The following IGSF11 variants were observed in gnomAD, a reference collection of about 807,000 sequenced individuals.
The protein encoded by IGSF11 is CXADR like 1.
A neutral mutation model predicts 41.0 loss-of-function variants in IGSF11; 22 were observed. The observed-to-expected ratio is 0.54, with a 90% confidence interval of 0.38 to 0.77. IGSF11 has a LOEUF of 0.77. IGSF11 is among the 30% of genes least tolerant of loss of function. IGSF11 has a pLI of 0.00. For missense variants in IGSF11, 444 were observed against 530.8 expected, an observed-to-expected ratio of 0.84 and a Z score of 1.61; for synonymous variants, 219 against 201.3, an observed-to-expected ratio of 1.09 and a Z score of -0.74.
chr3:118,961,485 AAAATGTT>A (rs1945329492), intron 1 of IGSF11, among the ~76,000 whole-genome samples: 1 of 152,262 alleles, frequency 6.6e-6, no homozygotes, highest in African/African-American at 2.4e-5. Flanking sequence ...AAATTTGTTT[AAAATGTT>A]CACATTAACA....
At position 119,034,825 on chromosome 3, in the gene IGSF11, C is replaced by T; in HGVS notation, c.-243G>A. Reference sequence around the variant, plus strand: ...GGCGTTCCGGGCTCGCCAGCCGTGCCACCCAGCCCTGCCCCAGGACTAGCC... The same window carrying T: ...GGCGTTCCGGGCTCGCCAGCCGTGCTACCCAGCCCTGCCCCAGGACTAGCC... On this transcript the variant is annotated 5_prime_UTR_variant, in exon 1 of 7. Coordinates refer to ENST00000393775, the MANE Select transcript of IGSF11 (RefSeq NM_001015887.3). 8.0e-7 allele frequency: 1 copy of T among 1,252,914 alleles called. No individual in the cohort carries two copies. The highest frequency in any genetic ancestry group is 1.0e-6 in the Non-Finnish European group (1 of 998,282). 77.6% of individuals were successfully genotyped at this position (1,252,914 alleles called of 1,614,324 possible). A position where few individuals can be genotyped will look rare whatever the true frequency, so the allele number is the denominator to read the frequency against.
chr3:119,016,322 A>G (rs1019236025), intron 1 of IGSF11, among the ~76,000 whole-genome samples: 1 of 152,212 alleles, frequency 6.6e-6, no homozygotes, highest in Non-Finnish European at 1.5e-5. Context: ...ACTGCCCAGA[A>G]ATATGTCGAT....
chr3:119,086,924 T>C (rs1476031531), intron 1 of IGSF11, among the ~76,000 whole-genome samples: 3 of 152,058 alleles, frequency 2.0e-5, no homozygotes, highest in Non-Finnish European at 4.4e-5. Flanking sequence ...TGAACATAAA[T>C]GGGCCAAAAG....
chr3:119,116,006 T>C (rs531571482), intron 1 of IGSF11, among the ~76,000 whole-genome samples: 4 of 152,340 alleles, frequency 2.6e-5, no homozygotes, highest in South Asian at 2.1e-4. Flanking sequence ...GAATTTACTC[T>C]ACCTCTAAAC....
At chr3:119,065,436 ATTT>A (rs935797850) in intron 1 of IGSF11, among the ~76,000 whole-genome samples, 18 of 151,790 alleles carry the variant, frequency 1.2e-4, no homozygotes, top group African/African-American at 3.6e-4. Context: ...GTGGTCTGTA[ATTT>A]TTTTTCCTTG....
chr3:119,048,159 G>T (rs1941450026), intron 1 of IGSF11, among the ~76,000 whole-genome samples: 1 of 152,258 alleles, frequency 6.6e-6, no homozygotes, highest in East Asian at 1.9e-4. Flanking sequence ...GAGCAGAACT[G>T]AAGGAAATAG....
intron 1 of IGSF11, among the ~76,000 whole-genome samples, chr3:119,143,355 C>G (rs2077674882): frequency 6.6e-6 from 1 of 152,022 alleles, no homozygotes; most frequent in African/African-American, 2.4e-5. Context: ...TATTATATAA[C>G]AGCAGGGTTT....
chr3:119,016,275 G>A lies in IGSF11; in HGVS notation c.52+18256C>T, dbSNP rs1299178481. On this transcript the variant is annotated intron_variant, in intron 1 of 6. Transcript: ENST00000393775. Reference sequence around the variant, plus strand: ...AGCTGGGAAGCTGGGGAAGCCAGGTGGCATATGGCATGTGTTCAAAGGTTC... The same window carrying A: ...AGCTGGGAAGCTGGGGAAGCCAGGTAGCATATGGCATGTGTTCAAAGGTTC... Among the ~76,000 whole-genome samples, 4 of 152,172 alleles carry A rather than the reference G, an allele frequency of 2.6e-5. No homozygotes were observed. The East Asian group carries it at 7.7e-4, about 29-fold the overall frequency.
At chr3:119,094,223 T>TTAAAAAAAAA (rs1491294473) in intron 1 of IGSF11, among the ~76,000 whole-genome samples, 2 of 35,066 alleles carry the variant, frequency 5.7e-5, no homozygotes, top group African/African-American at 8.0e-5. Flanking sequence ...CATAGCGAAG[T>TTAAAAAAAAA]AAAAAAAAAA....
intron 1 of IGSF11, among the ~76,000 whole-genome samples, chr3:118,946,245 A>T (rs1238529643): frequency 6.7e-6 from 1 of 149,412 alleles, no homozygotes; most frequent in Non-Finnish European, 1.5e-5. Flanking sequence ...TATATATATA[A>T]ATCCGGAAAA....
chr3:119,043,751 C>G (rs1260731002), intron 1 of IGSF11, among the ~76,000 whole-genome samples: 8 of 152,124 alleles, frequency 5.3e-5, no homozygotes, highest in Admixed American at 1.3e-4. Context: ...CAGGCATTCC[C>G]CAATACCAGA....
At chr3:119,003,825 G>A (rs1473012447) in intron 1 of IGSF11, among the ~76,000 whole-genome samples, 2 of 150,936 alleles carry the variant, frequency 1.3e-5, no homozygotes, top group African/African-American at 2.5e-5. Flanking sequence ...ACTTGATCAT[G>A]GTGGATAAGC....
chr3:119,136,497 G>A (rs1283740806), intron 1 of IGSF11, among the ~76,000 whole-genome samples: 1 of 151,918 alleles, frequency 6.6e-6, no homozygotes, highest in East Asian at 1.9e-4. Flanking sequence ...CCATGTCTAT[G>A]GAAATCAAAC....
At chr3:118,994,984 T>C (rs1418244404) in intron 1 of IGSF11, among the ~76,000 whole-genome samples, 1 of 152,146 alleles carries the variant, frequency 6.6e-6, no homozygotes, top group Non-Finnish European at 1.5e-5. Context: ...GAAAAGCGGC[T>C]TGAAGGGCTG....
At chr3:119,023,897 C>A (rs1939566414) in intron 1 of IGSF11, among the ~76,000 whole-genome samples, 1 of 152,142 alleles carries the variant, frequency 6.6e-6, no homozygotes, top group Admixed American at 6.5e-5. Flanking sequence ...TTGTTAGACA[C>A]TGAAGGAGTA....
At chr3:119,110,382 A>C (rs978262231) in intron 1 of IGSF11, among the ~76,000 whole-genome samples, 98 of 152,122 alleles carry the variant, frequency 6.4e-4, no homozygotes, top group Non-Finnish European at 1.1e-3. Flanking sequence ...GTTGGTTTAA[A>C]GTCTGTTTTA....
intron 1 of IGSF11, among the ~76,000 whole-genome samples, chr3:119,052,613 A>G (rs1576735412): frequency 4.6e-5 from 7 of 152,134 alleles, no homozygotes; most frequent in Admixed American, 3.3e-4. Flanking sequence ...AAAGACAGAG[A>G]AAGAGGGAAT....
At chr3:119,055,799 A>G (rs1217708130) in intron 1 of IGSF11, among the ~76,000 whole-genome samples, 1 of 152,236 alleles carries the variant, frequency 6.6e-6, no homozygotes, top group Admixed American at 6.5e-5. Flanking sequence ...ATCAAACTAG[A>G]ACTCAGGATT....
At chr3:119,051,423 A>G (rs1382921837) in intron 1 of IGSF11, among the ~76,000 whole-genome samples, 1 of 152,178 alleles carries the variant, frequency 6.6e-6, no homozygotes, top group East Asian at 1.9e-4. Context: ...CAACAGGAAA[A>G]TATCACAATT....
Sources: gnomAD v4.1 joint callset for allele counts (sites outside exome capture counted in the v4.1 genomes callset) on GRCh38, gnomAD v4.1.1 for gene constraint, MANE v1.5 for transcripts, NCBI Gene and HGNC (gene_info 2026-07-23, HGNC 2026-07-21) for gene names.